Variants in DNMT3B observed in about 807,000 individuals in gnomAD.
DNMT3B encodes DNA (cytosine-5)-methyltransferase 3B.
In DNMT3B, 37 loss-of-function variants were observed where a neutral mutation model predicts 120.2. The observed-to-expected ratio is 0.31, with a 90% CI of 0.24 to 0.40. DNMT3B has a LOEUF of 0.40. Among genes scored for constraint, DNMT3B ranks in the 10% least tolerant of loss-of-function variants. The probability of loss-of-function intolerance (pLI) is 1.00; values close to 1 mark genes in which losing one functional copy is unlikely to be tolerated. For missense variants in DNMT3B, 878 were observed against 1,137.3 expected (o/e 0.77, Z 3.28); for synonymous variants, 412 against 442.8 (o/e 0.93, Z 0.87).
intron 7 of DNMT3B, 85 bp downstream of exon 7, chr20:32,789,097 A>G: frequency 6.3e-7 from 1 of 1,577,994 alleles, no homozygotes; most frequent in African/African-American, 1.3e-5. Flanking sequence ...CTGGGATTGT[A>G]TTCTGCAGAT....
At chr20:32,774,241 G>T (rs1411928663) in intron 1 of DNMT3B, among the ~76,000 whole-genome samples, 1 of 150,840 alleles carries the variant, frequency 6.6e-6, no homozygotes, top group East Asian at 2.0e-4. Flanking sequence ...ACGGAGTCTC[G>T]CTCTGTCACC....
chr20:32,802,619 C>T (rs1211259821), intron 20 of DNMT3B, 149 bp downstream of exon 20: 1 of 811,986 alleles, frequency 1.2e-6, no homozygotes, highest in Non-Finnish European at 2.1e-6. Context: ...GCGGGTTGAT[C>T]TCTGTTAAGA....
chr20:32,795,385 C>G, intron 10 of DNMT3B, 24 bp from the exon 11 acceptor site: 1 of 1,613,774 alleles, frequency 6.2e-7, no homozygotes, highest in Non-Finnish European at 8.5e-7. Flanking sequence ...CAAGCCACGG[C>G]TGCAGTCTAA....
rs201395541 is a variant in DNMT3B at position 32,784,828 on chromosome 20, G to T, written c.275G>T (p.Arg92Leu). ...ACCCCAGTCATGCCAAAGCTCTTCCGGGAAACCAGGACTCGTTCAGAAAGC... is the reference window on the plus strand; with the variant it reads ...ACCCCAGTCATGCCAAAGCTCTTCCTGGAAACCAGGACTCGTTCAGAAAGC... Reference protein sequence around the residue: ...SDTPVMPKLFRETRTRSESPA... With the variant: ...SDTPVMPKLFLETRTRSESPA... The change falls in exon 4 of 23, where the codon CGG becomes CTG. Residue 92 changes from arginine (R) to leucine (L), a missense_variant. Around this residue, in one of 4 missense-constraint regions of DNMT3B, gnomAD observed 287 missense variants for 306.2 expected, o/e 0.94. Coordinates refer to ENST00000328111, the MANE Select transcript of DNMT3B (RefSeq NM_006892.4). The T allele has an allele frequency of 6.2e-7, 1 of 1,614,044 alleles. No individual in the cohort carries two copies. Among genetic ancestry groups the T allele is most frequent in the Non-Finnish European group, 8.5e-7 (1 of 1,180,010 alleles).
rs192201717 is a variant in DNMT3B, at chr20:32,795,814, G to T, written c.1297+120G>T. On this transcript the variant is annotated intron_variant, in intron 12 of 22. Transcript: ENST00000328111. ...CCAGAGCTCTGTTCCTTAACCTCAG[G>T]CCAAGGCCTATTTCTGGACCCTGCA... The T allele has an allele frequency of 3.0e-6, 4 of 1,315,112 alleles. No homozygotes were observed. The African/African-American group carries it at 4.4e-5, about 14-fold the overall frequency. The allele number at this position is 1,315,112 out of a possible 1,614,324, so 81.5% of individuals were successfully genotyped here.
At chr20:32,797,370 C>A in intron 14 of DNMT3B, 71 bp downstream of exon 14, 1 of 1,447,884 alleles carries the variant, frequency 6.9e-7, no homozygotes, top group Non-Finnish European at 9.6e-7. Context: ...AGTCTGCAGA[C>A]AGCTGTCTGT....
chr20:32,807,487 A>G (rs1439774122), intron 22 of DNMT3B, among the ~76,000 whole-genome samples: 3 of 152,146 alleles, frequency 2.0e-5, no homozygotes, highest in African/African-American at 7.2e-5. Flanking sequence ...TGGCTGGCTG[A>G]TTTAGTATGC....
At chr20:32,801,840 A>G (rs1057014988) in intron 19 of DNMT3B, among the ~76,000 whole-genome samples, 6 of 152,008 alleles carry the variant, frequency 3.9e-5, no homozygotes, top group Non-Finnish European at 5.9e-5. Context: ...CCACCTCCCA[A>G]CGTGTTGGGA....
At chr20:32,798,721 A>G (rs1980960402) in intron 15 of DNMT3B, 78 bp downstream of exon 15, 1 of 1,596,830 alleles carries the variant, frequency 6.3e-7, no homozygotes, top group African/African-American at 1.3e-5. Flanking sequence ...ATTCTCAGAA[A>G]GAGTAATAGA....
chr20:32,787,193 T>C, intron 5 of DNMT3B, 37 bp from the exon 6 acceptor site: 1 of 1,613,826 alleles, frequency 6.2e-7, no homozygotes, highest in East Asian at 2.2e-5. Context: ...CCGACATCCT[T>C]TGCTCTGGCC....
chr20:32,780,591 G>T (rs1174295908), intron 2 of DNMT3B, 126 bp downstream of exon 2: 1 of 1,451,014 alleles, frequency 6.9e-7, no homozygotes, highest in Admixed American at 2.1e-5. Context: ...AGGGAAGAGA[G>T]CTCTAGCAAG....
At chr20:32,764,573 C>A (rs1190662420) in intron 1 of DNMT3B, among the ~76,000 whole-genome samples, 4 of 152,150 alleles carry the variant, frequency 2.6e-5, no homozygotes, top group African/African-American at 7.2e-5. Flanking sequence ...CAGGAAGAAC[C>A]GCCTTTGTTC....
At chr20:32,781,673 G>A (rs4911258) in intron 3 of DNMT3B, among the ~76,000 whole-genome samples, 63,567 of 152,120 alleles carry the variant, frequency 0.42, 14,309 homozygotes, top group East Asian at 0.92. Flanking sequence ...ACTGCCGTCT[G>A]AAAGTATTAA....
intron 6 of DNMT3B, among the ~76,000 whole-genome samples, chr20:32,788,036 T>C (rs1568841281): frequency 6.6e-6 from 1 of 152,184 alleles, no homozygotes; most frequent in African/African-American, 2.4e-5. Flanking sequence ...GGACCGGCCA[T>C]TTATACTTCT....
Position 32,797,192 on chromosome 20 carries a change from C to T in DNMT3B, c.1383C>T (p.Arg461=), listed in dbSNP as rs1440936779. Residue 461 remains arginine, a synonymous_variant, in exon 14 of 23, where the codon CGC becomes CGT. Transcript: ENST00000328111. ...TGTTTCTCTCTGGCTGCCAGGATCG[C>T]TTCCTTGAGCTGTTTTACATGTATG... ...EGGLCQTCRD[R]FLELFYMYDD... is the part of the protein sequence containing the mutation. 3 of 1,613,826 alleles carry T rather than the reference C, an allele frequency of 1.9e-6. No individual in the cohort carries two copies. The highest frequency in any genetic ancestry group is 2.5e-6 in the Non-Finnish European group (3 of 1,180,056).
intron 1 of DNMT3B, among the ~76,000 whole-genome samples, chr20:32,767,994 G>A (rs2145845582): frequency 6.6e-6 from 1 of 152,282 alleles, no homozygotes. Flanking sequence ...GCCTTTGTAG[G>A]GCGTTTGCTG....
intron 1 of DNMT3B, among the ~76,000 whole-genome samples, chr20:32,767,639 G>T (rs1006043132): frequency 4.6e-5 from 7 of 152,114 alleles, no homozygotes; most frequent in African/African-American, 1.7e-4. Flanking sequence ...GTCTCACTAT[G>T]TTGCCCCAGC....
intron 8 of DNMT3B, among the ~76,000 whole-genome samples, chr20:32,792,375 A>ACATTC (rs1216438245): frequency 2.0e-5 from 3 of 152,194 alleles, no homozygotes; most frequent in Non-Finnish European, 4.4e-5. Flanking sequence ...GTGACCACTG[A>ACATTC]CATTCCCTAG....
chr20:32,801,191 A>T (rs1188713181), intron 18 of DNMT3B, 87 bp from the exon 19 acceptor site: 1 of 1,599,510 alleles, frequency 6.3e-7, no homozygotes, highest in Non-Finnish European at 8.5e-7. Context: ...TCAGGAGGCC[A>T]TTGGGAACCT....
Sources: allele counts gnomAD v4.1 joint callset (sites outside exome capture counted in the v4.1 genomes callset), GRCh38; gene constraint gnomAD v4.1.1; regional missense constraint gnomAD v4.1.1; transcripts MANE v1.5; gene names NCBI Gene and HGNC (gene_info 2026-07-23, HGNC 2026-07-21).